LGR5: variants seen among roughly 807,000 people sequenced by gnomAD.
LGR5 encodes leucine-rich repeat-containing G protein-coupled receptor 5.
LGR5 carries 54 observed loss-of-function variants against 76.7 expected under a neutral mutation model. The observed-to-expected ratio is 0.70, with a 90% confidence interval of 0.57 to 0.88. The LOEUF (loss-of-function observed/expected upper bound fraction) is 0.88, where lower values mean the gene tolerates loss of function less well. Among genes scored for constraint, LGR5 ranks in the 40% least tolerant of loss-of-function variants. The pLI, the probability that LGR5 is intolerant of heterozygous loss-of-function variation, is 0.00. For synonymous variants in LGR5, 406 were observed against 421.9 expected, an observed-to-expected ratio of 0.96 and a Z score of 0.46; for missense variants, 1,078 against 1,073.3, an observed-to-expected ratio of 1.00 and a Z score of -0.06.
intron 2 of LGR5, among the ~76,000 whole-genome samples, chr12:71,512,374 A>C (rs1004756695): frequency 2.0e-5 from 3 of 152,246 alleles, no homozygotes; most frequent in African/African-American, 7.2e-5. Context: ...CTGGGGATGG[A>C]GACCATGAAG....
Position 71,566,910 on chromosome 12 carries a change from G to T in LGR5, c.1068G>T (p.Val356=). Residue 356 remains valine (V), a splice_region_variant and synonymous_variant, in exon 11 of 18, where the codon GTG becomes GTT. Transcript: ENST00000266674. ...TVCNQLPNLQ[V]LDLSYNLLED... Reference sequence around the variant, plus strand: ...GCAATCAGTTACCTAATCTCCAAGTGCTGTGCGTATCAGTAAGGCAATAAT... The same window carrying T: ...GCAATCAGTTACCTAATCTCCAAGTTCTGTGCGTATCAGTAAGGCAATAAT... 6.2e-7 allele frequency: 1 copy of T among 1,609,476 alleles called. No homozygotes were observed. Among genetic ancestry groups the T allele is most frequent in the South Asian group, 1.1e-5 (1 of 90,992 alleles).
intron 1 of LGR5, among the ~76,000 whole-genome samples, chr12:71,454,989 C>CA (rs1872408255): frequency 6.6e-6 from 1 of 151,604 alleles, no homozygotes; most frequent in African/African-American, 2.4e-5. Context: ...AAAACAAAAC[C>CA]AAAAAAATGC....
At chr12:71,563,506 C>G (rs1592548996) in intron 8 of LGR5, among the ~76,000 whole-genome samples, 2 of 152,208 alleles carry the variant, frequency 1.3e-5, no homozygotes, top group Non-Finnish European at 2.9e-5. Flanking sequence ...AATGCAAACT[C>G]CTCATCCTGA....
At chr12:71,446,139 T>A (rs1302582919) in intron 1 of LGR5, among the ~76,000 whole-genome samples, 3 of 152,178 alleles carry the variant, frequency 2.0e-5, no homozygotes, top group African/African-American at 7.2e-5. Flanking sequence ...TTGAGTAGAA[T>A]TGGCTGAACC....
chr12:71,547,981 C>A (rs1299315752), intron 4 of LGR5, among the ~76,000 whole-genome samples: 1 of 112,358 alleles, frequency 8.9e-6, no homozygotes, highest in Non-Finnish European at 1.9e-5. Flanking sequence ...TGTAACAGAC[C>A]CCCCCCAAAA....
intron 1 of LGR5, among the ~76,000 whole-genome samples, chr12:71,483,760 G>A (rs1327537295): frequency 6.6e-6 from 1 of 152,072 alleles, no homozygotes; most frequent in African/African-American, 2.4e-5. Flanking sequence ...GCATGTGTGT[G>A]TTTGTGTGTG....
At chr12:71,444,599 A>C (rs556544476) in intron 1 of LGR5, among the ~76,000 whole-genome samples, 2 of 152,204 alleles carry the variant, frequency 1.3e-5, no homozygotes, top group African/African-American at 4.8e-5. Context: ...CTCAAAGTAA[A>C]GGAGTTCTGA....
chr12:71,450,276 C>T (rs1488252240), intron 1 of LGR5, among the ~76,000 whole-genome samples: 1 of 152,162 alleles, frequency 6.6e-6, no homozygotes, highest in Non-Finnish European at 1.5e-5. Context: ...GTTGTTTACA[C>T]ATGTTGTGTA....
intron 2 of LGR5, among the ~76,000 whole-genome samples, chr12:71,511,101 T>A (rs928068652): frequency 7.9e-5 from 12 of 152,290 alleles, no homozygotes; most frequent in African/African-American, 2.9e-4. Context: ...AAAAGATTTC[T>A]CTGATTTCTG....
At chr12:71,448,283 T>C (rs1182102689) in intron 1 of LGR5, 2 of 152,172 alleles carry the variant, frequency 1.3e-5, no homozygotes, top group Non-Finnish European at 2.9e-5. Context: ...TGTCGATTTG[T>C]AAAAATAACC....
At chr12:71,552,994 T>C in intron 4 of LGR5, 79 bp from the exon 5 acceptor site, 2 of 1,297,688 alleles carry the variant, frequency 1.5e-6, no homozygotes, top group South Asian at 1.2e-5. Context: ...TCATCATGCA[T>C]GGGGAGGGTT....
At chr12:71,462,159 C>T (rs1290841649) in intron 1 of LGR5, among the ~76,000 whole-genome samples, 2 of 152,096 alleles carry the variant, frequency 1.3e-5, no homozygotes, top group Non-Finnish European at 2.9e-5. Flanking sequence ...GCTCCAGCAA[C>T]ACCCAGGGAT....
chr12:71,541,913 G>T (rs1876899119), intron 4 of LGR5, among the ~76,000 whole-genome samples: 1 of 152,146 alleles, frequency 6.6e-6, no homozygotes, highest in African/African-American at 2.4e-5. Flanking sequence ...AGAATCCTCT[G>T]CAGAAAATGG....
chr12:71,471,168 A>G (rs1430347044), intron 1 of LGR5, among the ~76,000 whole-genome samples: 1 of 152,214 alleles, frequency 6.6e-6, no homozygotes, highest in Admixed American at 6.5e-5. Context: ...TAATAATAAT[A>G]TAGTAAATGA....
At chr12:71,545,185 C>T (rs1235673608) in intron 4 of LGR5, among the ~76,000 whole-genome samples, 1 of 152,134 alleles carries the variant, frequency 6.6e-6, no homozygotes, top group South Asian at 2.1e-4. Context: ...GTGGCTCACC[C>T]CTGTAGTCCT....
intron 2 of LGR5, among the ~76,000 whole-genome samples, chr12:71,506,053 T>C (rs1288166532): frequency 6.6e-6 from 1 of 152,180 alleles, no homozygotes; most frequent in Non-Finnish European, 1.5e-5. Context: ...AAAAGGAGTT[T>C]CTTACACATG....
At chr12:71,489,181 G>A (rs1031799428) in intron 1 of LGR5, among the ~76,000 whole-genome samples, 3 of 152,122 alleles carry the variant, frequency 2.0e-5, no homozygotes, top group Non-Finnish European at 4.4e-5. Flanking sequence ...GTCTTTCTGG[G>A]ATTACTGGTT....
chr12:71,520,138 T>C (rs1243269221), intron 2 of LGR5, among the ~76,000 whole-genome samples: 1 of 151,826 alleles, frequency 6.6e-6, no homozygotes, highest in Non-Finnish European at 1.5e-5. Context: ...AGCCAAAAGA[T>C]GGAAAAACAC....
At position 71,553,192 on chromosome 12, in the gene LGR5, G is replaced by A; in HGVS notation, c.548G>A (p.Arg183Lys). 1 of 1,614,078 alleles carries A rather than the reference G, an allele frequency of 6.2e-7. No homozygotes were observed. The highest frequency in any genetic ancestry group is 8.5e-7 in the Non-Finnish European group (1 of 1,180,026). The change falls in exon 5 of 18, where the codon AGA becomes AAA. Residue 183 changes from arginine (R) to lysine (K), a missense_variant. Transcript: ENST00000266674. ...ACAGAAATCCCCGTCCAGGCTTTTA[G>A]AAGTTTATCGGCATTGCAAGCCATG... ...ALTEIPVQAF[R>K]SLSALQAMTL... is the part of the protein sequence containing the mutation.
Sources: gnomAD v4.1 joint callset for allele counts (sites outside exome capture counted in the v4.1 genomes callset) on GRCh38, gnomAD v4.1.1 for gene constraint, MANE v1.5 for transcripts, NCBI Gene and HGNC (gene_info 2026-07-23, HGNC 2026-07-21) for gene names.